TMEFF2: variants seen among roughly 807,000 people sequenced by gnomAD.
TMEFF2 encodes the protein transmembrane protein with EGF like and two follistatin like domains 2.
TMEFF2 carries 28 observed loss-of-function variants against 53.8 expected under a neutral mutation model. That is an observed-to-expected ratio of 0.52 (90% confidence interval 0.39 to 0.71). The LOEUF is 0.71. TMEFF2 is among the 30% of genes least tolerant of loss of function. The pLI is 0.00. For missense variants in TMEFF2, 353 were observed against 455.2 expected, an observed-to-expected ratio of 0.78 and a Z score of 2.04; for synonymous variants, 162 against 166.3, an observed-to-expected ratio of 0.97 and a Z score of 0.20.
chr2:192,067,699 T>C (rs1008383646), intron 4 of TMEFF2, among the ~76,000 whole-genome samples: 1 of 151,898 alleles, frequency 6.6e-6, no homozygotes, highest in Non-Finnish European at 1.5e-5. Flanking sequence ...TATTTTGTGA[T>C]AGAGCAAGTT....
intron 7 of TMEFF2, among the ~76,000 whole-genome samples, chr2:191,992,357 A>C (rs769764452): frequency 2.5e-4 from 38 of 152,040 alleles, no homozygotes; most frequent in Non-Finnish European, 4.7e-4. Flanking sequence ...TGACTGAATT[A>C]ATTCATTTTA....
chr2:192,125,254 TTAAAA>T (rs1358875498), intron 4 of TMEFF2, among the ~76,000 whole-genome samples: 11 of 152,198 alleles, frequency 7.2e-5, no homozygotes, highest in African/African-American at 2.7e-4. Context: ...AAGTGAGATC[TTAAAA>T]TAAACGTTAC....
intron 4 of TMEFF2, among the ~76,000 whole-genome samples, chr2:192,092,031 G>A (rs1372693228): frequency 6.6e-6 from 1 of 150,474 alleles, no homozygotes; most frequent in Non-Finnish European, 1.5e-5. Context: ...TGATGTCTAG[G>A]TACTTGCCCA....
intron 5 of TMEFF2, among the ~76,000 whole-genome samples, chr2:192,014,881 G>A (rs775587088): frequency 6.6e-6 from 1 of 152,136 alleles, no homozygotes; most frequent in Non-Finnish European, 1.5e-5. Flanking sequence ...ACAACAGAAG[G>A]ATGTTAAATA....
chr2:192,009,364 T>G (rs1686572927), intron 5 of TMEFF2, among the ~76,000 whole-genome samples: 1 of 152,158 alleles, frequency 6.6e-6, no homozygotes, highest in East Asian at 1.9e-4. Context: ...GGTAGGAAAA[T>G]AAGGTGACAT....
At chr2:192,019,588 G>A (rs990894127) in intron 5 of TMEFF2, among the ~76,000 whole-genome samples, 1 of 151,720 alleles carries the variant, frequency 6.6e-6, no homozygotes, top group Non-Finnish European at 1.5e-5. Context: ...TCCTTCCTCT[G>A]AAATGATGAT....
rs900423083 is a variant in TMEFF2, at chr2:191,952,796, AAAC to A, written c.1028+880_1028+882del. Among the ~76,000 whole-genome samples the A allele has an allele frequency of 5.4e-4, 82 of 152,232 alleles. 1 individual carries two copies. The highest frequency in any genetic ancestry group is 2.1e-4 in the South Asian group (1 of 4,834). On this transcript the variant is annotated intron_variant, in intron 9 of 9. Transcript: ENST00000272771. Reference sequence around the variant, plus strand: ...TTTCTTTTATTTTTGTATCTGTTCAAAACAATTTTTAGAGAAACATTCTGATTT... The same window carrying A: ...TTTCTTTTATTTTTGTATCTGTTCAAAATTTTTAGAGAAACATTCTGATTT...
rs1691800179 is a variant in TMEFF2 at position 191,949,388 on chromosome 2, T to C, written c.*923A>G. 3 of 985,294 alleles carry C rather than the reference T, an allele frequency of 3.0e-6. No individual in the cohort carries two copies. Among genetic ancestry groups the C allele is most frequent in the South Asian group, 9.4e-5 (2 of 21,298 alleles). 61.0% of individuals were successfully genotyped at this position (985,294 alleles called of 1,614,324 possible). A position where few individuals can be genotyped will look rare whatever the true frequency, so the allele number is the denominator to read the frequency against. On this transcript the variant is annotated 3_prime_UTR_variant, in exon 10 of 10. Transcript: ENST00000272771. Reference sequence around the variant, plus strand: ...GCTGCATTAGCCACAAAGCTATTCATGGGGTATTGGTTGTGATTCTAACTT... The same window carrying C: ...GCTGCATTAGCCACAAAGCTATTCACGGGGTATTGGTTGTGATTCTAACTT...
chr2:192,168,589 ACT>A (rs1475007490), intron 4 of TMEFF2, among the ~76,000 whole-genome samples: 1 of 151,770 alleles, frequency 6.6e-6, no homozygotes, highest in Non-Finnish European at 1.5e-5. Flanking sequence ...GTATTAGATG[ACT>A]CTCAGGCTAA....
At chr2:192,002,676 A>G (rs998730578) in intron 5 of TMEFF2, among the ~76,000 whole-genome samples, 1 of 152,148 alleles carries the variant, frequency 6.6e-6, no homozygotes. Flanking sequence ...CTAAAAATAC[A>G]AAAAGTAGTC....
intron 4 of TMEFF2, among the ~76,000 whole-genome samples, chr2:192,063,416 T>C (rs1404997803): frequency 6.6e-6 from 1 of 151,956 alleles, no homozygotes; most frequent in South Asian, 2.1e-4. Context: ...ATTGTATTAT[T>C]TAAATACTTT....
chr2:192,097,595 T>C (rs889444491), intron 4 of TMEFF2, among the ~76,000 whole-genome samples: 9 of 152,192 alleles, frequency 5.9e-5, no homozygotes, highest in Non-Finnish European at 1.0e-4. Flanking sequence ...ATGGAATAAA[T>C]CTTAATTACA....
At chr2:192,184,231 C>T (rs1426865870) in intron 3 of TMEFF2, 123 bp downstream of exon 3, 9 of 1,263,002 alleles carry the variant, frequency 7.1e-6, no homozygotes, top group Admixed American at 6.6e-5. Context: ...TTGAACAAAA[C>T]AATACGGCTT....
At chr2:192,153,389 C>A (rs987974955) in intron 4 of TMEFF2, among the ~76,000 whole-genome samples, 1 of 151,664 alleles carries the variant, frequency 6.6e-6, no homozygotes, top group Non-Finnish European at 1.5e-5. Context: ...GCATATATAC[C>A]CATTTCATAC....
At chr2:192,062,831 AT>A (rs937786551) in intron 4 of TMEFF2, among the ~76,000 whole-genome samples, 6 of 151,622 alleles carry the variant, frequency 4.0e-5, no homozygotes, top group African/African-American at 1.5e-4. Context: ...CTTTTCTTGT[AT>A]TTTCCATGCC....
At chr2:191,972,122 A>G (rs1363835695) in intron 7 of TMEFF2, among the ~76,000 whole-genome samples, 1 of 148,848 alleles carries the variant, frequency 6.7e-6, no homozygotes, top group Admixed American at 6.8e-5. Flanking sequence ...ACACCAAGCT[A>G]AGAAGTATTG....
chr2:192,046,782 A>T (rs1030431520), intron 5 of TMEFF2, among the ~76,000 whole-genome samples: 3 of 152,160 alleles, frequency 2.0e-5, no homozygotes, highest in Non-Finnish European at 4.4e-5. Flanking sequence ...TGGGGAAGAC[A>T]ATTTTAATTG....
At chr2:192,187,919 G>T (rs1691354977) in intron 2 of TMEFF2, among the ~76,000 whole-genome samples, 1 of 152,124 alleles carries the variant, frequency 6.6e-6, no homozygotes, top group Non-Finnish European at 1.5e-5. Context: ...TTTGAGCTGA[G>T]ATTTCAGCAT....
At chr2:192,077,015 C>T (rs1272483332) in intron 4 of TMEFF2, among the ~76,000 whole-genome samples, 2 of 152,102 alleles carry the variant, frequency 1.3e-5, no homozygotes, top group Non-Finnish European at 2.9e-5. Context: ...TCAGAGAAAT[C>T]GGTCATCAGA....
Sources: allele counts gnomAD v4.1 joint callset (sites outside exome capture counted in the v4.1 genomes callset), GRCh38; gene constraint gnomAD v4.1.1; transcripts MANE v1.5; gene names NCBI Gene and HGNC (gene_info 2026-07-23, HGNC 2026-07-21).